Variants in TENM3 observed in about 807,000 individuals in gnomAD.
TENM3 encodes teneurin transmembrane protein 3.
TENM3 carries 63 observed loss-of-function variants against 255.1 expected under a neutral mutation model. The observed-to-expected ratio is 0.25, with a 90% confidence interval of 0.20 to 0.30. The LOEUF is 0.30. Among genes scored for constraint, TENM3 ranks in the 10% least tolerant of loss-of-function variants. The pLI is 1.00. For synonymous variants in TENM3, 1,306 were observed against 1,322.3 expected (o/e 0.99, Z 0.27); for missense variants, 2,929 against 3,461.1 (o/e 0.85, Z 3.86).
At chr4:182,269,354 A>G (rs1759460495) in intron 1 of TENM3, among the ~76,000 whole-genome samples, 1 of 152,220 alleles carries the variant, frequency 6.6e-6, no homozygotes, top group African/African-American at 2.4e-5. Flanking sequence ...AGGAGACATT[A>G]TAGCAAAATG....
chr4:181,802,733 GCTCT>G, the TENM3 span, among the ~76,000 whole-genome samples: 16 of 152,014 alleles, frequency 1.1e-4, no homozygotes, highest in African/African-American at 3.9e-4. Context: ...AAGTGCTTTA[GCTCT>G]CTATTTTTAT....
intron 3 of TENM3, among the ~76,000 whole-genome samples, chr4:182,390,458 G>A (rs1432735066): frequency 1.3e-5 from 2 of 152,152 alleles, no homozygotes; most frequent in Non-Finnish European, 2.9e-5. Context: ...TGGTTTACCT[G>A]GTTGGAAAGC....
the TENM3 span, among the ~76,000 whole-genome samples, chr4:181,554,809 G>T: frequency 6.6e-6 from 1 of 152,192 alleles, no homozygotes; most frequent in African/African-American, 2.4e-5. Context: ...AAGCAAGTTG[G>T]CTTTAAAGAA....
intron 6 of TENM3, among the ~76,000 whole-genome samples, chr4:182,663,782 C>A (rs77835000): frequency 6.6e-6 from 1 of 150,706 alleles, no homozygotes; most frequent in Admixed American, 6.7e-5. Context: ...CTAAAAAATA[C>A]GTTGTCTATA....
chr4:181,958,439 A>C, the TENM3 span, among the ~76,000 whole-genome samples: 5 of 152,292 alleles, frequency 3.3e-5, no homozygotes, highest in East Asian at 1.9e-4. Context: ...CAAATATCCT[A>C]AATTAGGATT....
chr4:182,025,142 G>A, the TENM3 span, among the ~76,000 whole-genome samples: 1 of 151,136 alleles, frequency 6.6e-6, no homozygotes, highest in Admixed American at 6.6e-5. Context: ...CATTCTCCTG[G>A]CTCAGCCTCC....
At position 182,538,224 on chromosome 4, in the gene TENM3, ATG is replaced by A. The variant is rs1279706172; in HGVS notation, c.512-62699_512-62698del. Among the ~76,000 whole-genome samples the A allele has an allele frequency of 8.5e-5, 13 of 152,334 alleles. 1 individual carries two copies. The highest frequency in any genetic ancestry group is 3.4e-3 in the Middle Eastern group (1 of 294). On this transcript the variant is annotated intron_variant, in intron 3 of 27. Transcript: ENST00000511685. ...GAAACAATGTTATTAACAATTATTT[ATG>A]GAGTTCCCAGAGGCACAAGGCATTT...
the TENM3 span, among the ~76,000 whole-genome samples, chr4:182,076,716 G>A: frequency 6.6e-6 from 1 of 152,128 alleles, no homozygotes; most frequent in Non-Finnish European, 1.5e-5. Context: ...CTCAGGGATT[G>A]GCAAACCTTT....
intron 1 of TENM3, among the ~76,000 whole-genome samples, chr4:182,176,303 TTCACCACCGTGTG>T (rs1338068032): frequency 6.7e-6 from 1 of 149,432 alleles, no homozygotes; most frequent in African/African-American, 2.4e-5. Flanking sequence ...GAATTACAGC[TTCACCACCGTGTG>T]TCTTTTGGCA....
At chr4:182,249,246 C>T (rs192352483) in intron 1 of TENM3, among the ~76,000 whole-genome samples, 9 of 152,210 alleles carry the variant, frequency 5.9e-5, no homozygotes, top group South Asian at 2.1e-4. Context: ...TTAGGTTTTC[C>T]GATTTCAGGG....
chr4:181,652,142 T>TTAA, the TENM3 span, among the ~76,000 whole-genome samples: 1 of 114,686 alleles, frequency 8.7e-6, no homozygotes, highest in African/African-American at 3.4e-5. Flanking sequence ...CACTTTGGGG[T>TTAA]AAAAAAAAAA....
the TENM3 span, among the ~76,000 whole-genome samples, chr4:181,657,798 A>ATG: frequency 2.0e-4 from 1 of 5,086 alleles, no homozygotes; most frequent in African/African-American, 3.0e-4. Context: ...CTATGCAACT[A>ATG]TATATAAAAA....
chr4:182,159,858 A>G (rs937616625), intron 1 of TENM3, among the ~76,000 whole-genome samples: 2 of 152,222 alleles, frequency 1.3e-5, no homozygotes, highest in African/African-American at 4.8e-5. Flanking sequence ...TGCATGTTCC[A>G]AAATTTATAT....
the TENM3 span, among the ~76,000 whole-genome samples, chr4:181,526,574 T>C: frequency 6.6e-6 from 1 of 152,156 alleles, no homozygotes; most frequent in African/African-American, 2.4e-5. Context: ...GGTGCCATAG[T>C]AGGTGCATGC....
intron 3 of TENM3, among the ~76,000 whole-genome samples, chr4:182,487,649 G>A (rs181442373): frequency 3.3e-5 from 5 of 152,130 alleles, no homozygotes; most frequent in South Asian, 2.1e-4. Flanking sequence ...CCCTTTTAAC[G>A]CTAAGCATGC....
chr4:181,855,344 A>G, the TENM3 span, among the ~76,000 whole-genome samples: 1 of 152,234 alleles, frequency 6.6e-6, no homozygotes, highest in Non-Finnish European at 1.5e-5. Context: ...AGGTAAGATT[A>G]CTAGCTCAAG....
intron 1 of TENM3, among the ~76,000 whole-genome samples, chr4:182,313,416 T>G (rs2150430603): frequency 6.6e-6 from 1 of 152,060 alleles, no homozygotes; most frequent in South Asian, 2.1e-4. Flanking sequence ...ATACTAAAAA[T>G]AACAACATAA....
intron 12 of TENM3, among the ~76,000 whole-genome samples, chr4:182,703,596 C>T (rs970664089): frequency 6.6e-6 from 1 of 152,186 alleles, no homozygotes; most frequent in African/African-American, 2.4e-5. Context: ...TGCATACTCT[C>T]ACCTACAAAT....
At chr4:181,688,715 T>G in the TENM3 span, among the ~76,000 whole-genome samples, 3 of 152,136 alleles carry the variant, frequency 2.0e-5, no homozygotes, top group Admixed American at 6.6e-5. Context: ...TGCCACAGAG[T>G]ATCTGTGTAT....
Sources: allele counts gnomAD v4.1 joint callset (sites outside exome capture counted in the v4.1 genomes callset), GRCh38; gene constraint gnomAD v4.1.1; transcripts MANE v1.5; gene names NCBI Gene and HGNC (gene_info 2026-07-23, HGNC 2026-07-21).